Variants in RAD54L observed in about 807,000 individuals in gnomAD.
The protein encoded by RAD54L is DNA repair and recombination protein RAD54-like.
In RAD54L, 74 loss-of-function variants were observed where a neutral mutation model predicts 91.6. The observed-to-expected ratio is 0.81, with a 90% CI of 0.67 to 0.98. The LOEUF (loss-of-function observed/expected upper bound fraction) is 0.98, where lower values mean the gene tolerates loss of function less well. RAD54L is among the 50% of genes least tolerant of loss of function. RAD54L has a pLI of 0.00. For missense variants in RAD54L, 887 were observed against 945.7 expected (o/e 0.94, Z 0.81); for synonymous variants, 304 against 349.7 (o/e 0.87, Z 1.46).
chr1:46,254,030 G>A (rs920803739), intron 3 of RAD54L, among the ~76,000 whole-genome samples: 3 of 151,442 alleles, frequency 2.0e-5, no homozygotes, highest in Non-Finnish European at 2.9e-5. Flanking sequence ...AATGGAGTGC[G>A]GTGGCGTGAT....
intron 8 of RAD54L, among the ~76,000 whole-genome samples, chr1:46,262,685 T>C (rs892550311): frequency 6.6e-6 from 1 of 152,082 alleles, no homozygotes; most frequent in Non-Finnish European, 1.5e-5. Context: ...TTTTACATTG[T>C]CAGGGTGAGG....
At chr1:46,274,763 A>G in intron 16 of RAD54L, 46 bp downstream of exon 16, 1 of 1,609,158 alleles carries the variant, frequency 6.2e-7, no homozygotes, top group Non-Finnish European at 8.5e-7. Flanking sequence ...TCATGGAACG[A>G]GATCTTCAGG....
intron 7 of RAD54L, 48 bp from the exon 8 acceptor site, chr1:46,261,204 GTTTTTTTTT>G: frequency 1.5e-6 from 2 of 1,341,010 alleles, no homozygotes; most frequent in Non-Finnish European, 2.1e-6. Flanking sequence ...TGTTTTTTTT[GTTTTTTTTT>G]TTTTCAAAAG....
intron 10 of RAD54L, 111 bp downstream of exon 10, chr1:46,270,896 G>A (rs1306671278): frequency 7.0e-7 from 1 of 1,436,612 alleles, no homozygotes; most frequent in African/African-American, 1.4e-5. Context: ...TAGGAAGGGA[G>A]TGGGTTCTGT....
intron 8 of RAD54L, among the ~76,000 whole-genome samples, chr1:46,266,484 G>C (rs1660269334): frequency 6.6e-6 from 1 of 152,252 alleles, no homozygotes; most frequent in Non-Finnish European, 1.5e-5. Context: ...GTAGTTCTTG[G>C]AGAAAGAGGG....
chr1:46,272,757 G>A lies in RAD54L; in HGVS notation c.1330G>A (p.Val444Met), dbSNP rs777478503. 1.9e-6 allele frequency: 3 copies of A among 1,614,178 alleles called. No homozygotes were observed. Among genetic ancestry groups the A allele is most frequent in the African/African-American group, 1.3e-5 (1 of 75,042 alleles). Residue 444 changes from valine (V) to methionine (M), a missense_variant, in exon 12 of 18, where the codon GTG becomes ATG. Coordinates refer to ENST00000371975, the MANE Select transcript of RAD54L (RefSeq NM_003579.4). ...AEELLEGKMS[V>M]SSLSSITSLK... ...AGAATTGCTTGAGGGCAAGATGAGT[G>A]TGTCTTCCCTTTCTTCCATCACCTC...
intron 8 of RAD54L, among the ~76,000 whole-genome samples, chr1:46,264,872 C>T (rs1005832148): frequency 2.6e-5 from 4 of 152,128 alleles, no homozygotes; most frequent in African/African-American, 9.7e-5. Context: ...TCATTGAGAC[C>T]CATGTGGATC....
intron 13 of RAD54L, 49 bp from the exon 14 acceptor site, chr1:46,273,574 TG>T (rs941623501): frequency 6.2e-7 from 1 of 1,612,328 alleles, no homozygotes; most frequent in African/African-American, 1.3e-5. Context: ...GTAAGAAGCC[TG>T]GGCCATTGGG....
intron 9 of RAD54L, among the ~76,000 whole-genome samples, chr1:46,269,517 A>AAGAG (rs1660362368): frequency 6.6e-6 from 1 of 152,030 alleles, no homozygotes; most frequent in Non-Finnish European, 1.5e-5. Flanking sequence ...CATGTTGCCC[A>AAGAG]GGCTGGTCTT....
intron 3 of RAD54L, among the ~76,000 whole-genome samples, chr1:46,254,965 T>C (rs1192414451): frequency 6.6e-6 from 1 of 152,062 alleles, no homozygotes; most frequent in African/African-American, 2.4e-5. Context: ...GAAGATGAGA[T>C]CCCAGAAAGG....
At chr1:46,255,780 C>T (rs1040365626) in intron 3 of RAD54L, among the ~76,000 whole-genome samples, 5 of 152,050 alleles carry the variant, frequency 3.3e-5, no homozygotes, top group African/African-American at 9.7e-5. Context: ...GGATTACAGG[C>T]GTGCACTGTG....
chr1:46,260,289 C>T (rs1208325967), intron 5 of RAD54L, among the ~76,000 whole-genome samples, 190 bp downstream of exon 5: 1 of 152,042 alleles, frequency 6.6e-6, no homozygotes, highest in Non-Finnish European at 1.5e-5. Context: ...ATTCCTCATC[C>T]CCTCCTGCCT....
At chr1:46,251,138 G>A (rs1347204110) in intron 3 of RAD54L, among the ~76,000 whole-genome samples, 5 of 151,808 alleles carry the variant, frequency 3.3e-5, no homozygotes, top group East Asian at 1.9e-4. Context: ...GTGAAATCCC[G>A]TCTCTATTAA....
chr1:46,274,517 T>C (rs951568985), intron 15 of RAD54L, 21 bp from the exon 16 acceptor site: 2 of 1,611,796 alleles, frequency 1.2e-6, no homozygotes, highest in African/African-American at 2.7e-5. Flanking sequence ...GTTCCTTTTC[T>C]CCTGTTTCTT....
intron 16 of RAD54L, among the ~76,000 whole-genome samples, chr1:46,275,849 C>A (rs1660578679): frequency 6.6e-6 from 1 of 151,954 alleles, no homozygotes; most frequent in Non-Finnish European, 1.5e-5. Context: ...AAAAAATGCT[C>A]TTCTAGGCTG....
At chr1:46,262,871 T>G (rs1192114916) in intron 8 of RAD54L, among the ~76,000 whole-genome samples, 1 of 152,186 alleles carries the variant, frequency 6.6e-6, no homozygotes, top group Non-Finnish European at 1.5e-5. Flanking sequence ...TTAGAGACCT[T>G]TATTTGTATC....
intron 2 of RAD54L, 102 bp from the exon 3 acceptor site, chr1:46,249,898 T>G: frequency 7.6e-7 from 1 of 1,309,818 alleles, no homozygotes; most frequent in Non-Finnish European, 1.1e-6. Flanking sequence ...GTGAAGAATT[T>G]AGCACAGTGC....
chr1:46,272,330 A>T, intron 10 of RAD54L, 136 bp from the exon 11 acceptor site: 1 of 822,296 alleles, frequency 1.2e-6, no homozygotes, highest in Non-Finnish European at 2.0e-6. Context: ...GGCGTGAGCC[A>T]CTGCGCCTGG....
intron 9 of RAD54L, 112 bp downstream of exon 9, chr1:46,267,721 A>G (rs1200340335): frequency 7.2e-7 from 1 of 1,382,236 alleles, no homozygotes; most frequent in Non-Finnish European, 1.0e-6. Context: ...GTGGGTCACT[A>G]GGCATTCTTG....
Sources: allele counts gnomAD v4.1 joint callset (sites outside exome capture counted in the v4.1 genomes callset), GRCh38; gene constraint gnomAD v4.1.1; transcripts MANE v1.5; gene names NCBI Gene and HGNC (gene_info 2026-07-23, HGNC 2026-07-21).